Variants in SYN3 observed in about 807,000 individuals in gnomAD.
SYN3 encodes the protein synapsin-3.
Under a neutral mutation model 65.8 loss-of-function variants are expected in SYN3, and 35 were observed. That is an observed-to-expected ratio of 0.53 (90% confidence interval 0.41 to 0.70). The LOEUF (loss-of-function observed/expected upper bound fraction) is 0.70, where lower values mean the gene tolerates loss of function less well. SYN3 is among the 30% of genes least tolerant of loss of function. The probability of loss-of-function intolerance (pLI) is 0.00; values close to 1 mark genes in which losing one functional copy is unlikely to be tolerated. For missense variants in SYN3, 680 were observed against 749.0 expected (o/e 0.91, Z 1.08); for synonymous variants, 270 against 292.9 (o/e 0.92, Z 0.80).
chr22:32,936,411 G>T (rs967724324), intron 3 of SYN3, among the ~76,000 whole-genome samples: 1 of 152,200 alleles, frequency 6.6e-6, no homozygotes, highest in Non-Finnish European at 1.5e-5. Context: ...AGGATACAAA[G>T]ATTGAAGTTC....
At chr22:32,792,590 T>C (rs1315925807) in intron 6 of SYN3, among the ~76,000 whole-genome samples, 1 of 152,178 alleles carries the variant, frequency 6.6e-6, no homozygotes, top group African/African-American at 2.4e-5. Flanking sequence ...CTATGGCATC[T>C]ATCAAAATTT....
At chr22:32,533,114 A>G (rs892817915) in intron 10 of SYN3, among the ~76,000 whole-genome samples, 1 of 151,632 alleles carries the variant, frequency 6.6e-6, no homozygotes, top group African/African-American at 2.4e-5. Flanking sequence ...GGATGGGAGG[A>G]CTATAGGATT....
At chr22:32,976,185 T>A (rs1251093194) in intron 3 of SYN3, among the ~76,000 whole-genome samples, 1 of 152,166 alleles carries the variant, frequency 6.6e-6, no homozygotes, top group Non-Finnish European at 1.5e-5. Context: ...CCTAACCCCA[T>A]CCCAACCCAA....
chr22:32,610,160 A>C (rs2059421966), intron 6 of SYN3, among the ~76,000 whole-genome samples: 1 of 152,062 alleles, frequency 6.6e-6, no homozygotes, highest in Non-Finnish European at 1.5e-5. Flanking sequence ...GGGTGCCTGT[A>C]ATCTCAGCTA....
chr22:32,643,059 G>T (rs1368383974), intron 6 of SYN3, among the ~76,000 whole-genome samples: 1 of 151,960 alleles, frequency 6.6e-6, no homozygotes, highest in East Asian at 1.9e-4. Flanking sequence ...CTTTTTTGAG[G>T]AAGTTATTTG....
chr22:32,981,059 C>T (rs988489054), intron 2 of SYN3, among the ~76,000 whole-genome samples: 3 of 150,982 alleles, frequency 2.0e-5, no homozygotes, highest in East Asian at 4.0e-4. Flanking sequence ...TTCACCATGT[C>T]GGTCAGGCTG....
intron 6 of SYN3, among the ~76,000 whole-genome samples, chr22:32,696,137 T>G (rs529814337): frequency 2.6e-5 from 4 of 152,298 alleles, no homozygotes; most frequent in Admixed American, 2.0e-4. Context: ...ATATGGTGAG[T>G]CAGAGGACTG....
intron 6 of SYN3, among the ~76,000 whole-genome samples, chr22:32,615,889 G>A (rs1374528284): frequency 6.6e-6 from 1 of 152,236 alleles, no homozygotes; most frequent in African/African-American, 2.4e-5. Flanking sequence ...CTTCTCAGCT[G>A]CAAAGTGGAG....
chr22:32,522,332 C>T (rs572503715), intron 12 of SYN3, among the ~76,000 whole-genome samples: 1 of 152,238 alleles, frequency 6.6e-6, no homozygotes, highest in South Asian at 2.1e-4. Flanking sequence ...TGTGTTTAGC[C>T]TCATTTCCCT....
intron 6 of SYN3, among the ~76,000 whole-genome samples, chr22:32,688,094 T>G (rs2060615523): frequency 6.6e-6 from 1 of 152,170 alleles, no homozygotes; most frequent in African/African-American, 2.4e-5. Context: ...CAGACTATAT[T>G]TGAAAGCACT....
intron 6 of SYN3, among the ~76,000 whole-genome samples, chr22:32,710,075 GCACACA>G (rs55879257): frequency 2.4e-4 from 31 of 131,442 alleles, no homozygotes; most frequent in African/African-American, 7.2e-4. Context: ...ATATATATAT[GCACACA>G]CACACACACA....
chr22:32,815,751 G>A (rs2047072844), intron 6 of SYN3, among the ~76,000 whole-genome samples: 1 of 152,126 alleles, frequency 6.6e-6, no homozygotes, highest in Admixed American at 6.5e-5. Context: ...GAGAGACTAG[G>A]TAACTTACCT....
intron 6 of SYN3, among the ~76,000 whole-genome samples, chr22:32,628,265 T>C (rs551843892): frequency 1.6e-4 from 24 of 152,278 alleles, no homozygotes; most frequent in African/African-American, 5.8e-4. Context: ...GCTTTTCCCC[T>C]TGCTCTTGAT....
intron 1 of SYN3, among the ~76,000 whole-genome samples, chr22:33,017,318 G>A (rs779431899): frequency 1.3e-5 from 2 of 152,158 alleles, no homozygotes; most frequent in African/African-American, 2.4e-5. Flanking sequence ...TAGATTTCAA[G>A]TGCCTCTAGC....
chr22:32,529,348 C>T (rs932142798), intron 10 of SYN3, among the ~76,000 whole-genome samples: 5 of 152,182 alleles, frequency 3.3e-5, no homozygotes, highest in Admixed American at 2.0e-4. Context: ...CTCCCAGGGT[C>T]GGGGCTGGCC....
rs929659718 is a variant in SYN3 at position 32,954,026 on chromosome 22, C to G, written c.370-22545G>C. Among the ~76,000 whole-genome samples the G allele has an allele frequency of 2.6e-5, 4 of 152,040 alleles. No individual in the cohort carries two copies. In the South Asian group the frequency reaches 8.3e-4, roughly 32 times the overall value. On this transcript the variant is annotated intron_variant, in intron 3 of 13. Transcript: ENST00000358763. ...TTCTGGTGACTGGAGGCCAGAGGAC[C>G]AGGCATGCCCTAATTCTGTCCTGAT...
intron 6 of SYN3, among the ~76,000 whole-genome samples, chr22:32,730,601 T>C (rs1483214522): frequency 1.3e-5 from 2 of 152,234 alleles, no homozygotes; most frequent in Admixed American, 1.3e-4. Context: ...GTGAGTTTGC[T>C]TATCAAGTAT....
At chr22:32,938,364 TA>T (rs1321963850) in intron 3 of SYN3, among the ~76,000 whole-genome samples, 1 of 150,288 alleles carries the variant, frequency 6.7e-6, no homozygotes, top group African/African-American at 2.4e-5. Context: ...CTGTCTCTAC[TA>T]AAAAATACAA....
chr22:32,834,599 T>C (rs1050800882), intron 6 of SYN3, among the ~76,000 whole-genome samples: 1 of 152,128 alleles, frequency 6.6e-6, no homozygotes, highest in Admixed American at 6.6e-5. Context: ...GCTGGTGCTG[T>C]GTATGTTTTG....
Sources: gnomAD v4.1 joint callset for allele counts (sites outside exome capture counted in the v4.1 genomes callset) on GRCh38, gnomAD v4.1.1 for gene constraint, MANE v1.5 for transcripts, NCBI Gene and HGNC (gene_info 2026-07-23, HGNC 2026-07-21) for gene names.